The following ERCC6L variants were observed in gnomAD, a reference collection of about 807,000 sequenced individuals.
ERCC6L encodes the protein ERCC excision repair 6 like, spindle assembly checkpoint helicase.
A neutral mutation model predicts 20.1 loss-of-function variants in ERCC6L; 7 were observed. The ratio of observed to expected loss-of-function variants is 0.35; its 90% confidence interval spans 0.20 to 0.65. ERCC6L has a LOEUF of 0.65. Among genes scored for constraint, ERCC6L ranks in the 30% least tolerant of loss-of-function variants. ERCC6L has a pLI of 0.69. For synonymous variants in ERCC6L, 278 were observed against 331.3 expected, an observed-to-expected ratio of 0.84 and a Z score of 1.75; for missense variants, 592 against 892.4, an observed-to-expected ratio of 0.66 and a Z score of 4.29.
intron 1 of ERCC6L, among the ~76,000 whole-genome samples, chrX:72,214,431 T>C (rs899012384): frequency 9.0e-6 from 1 of 111,661 alleles, no homozygotes; most frequent in East Asian, 2.8e-4. Flanking sequence ...CCCAGCACTT[T>C]GGGAGGCCGA....
Position 72,238,948 on chromosome X carries a change from T to TTTGGAGTTTGGAGC in ERCC6L, c.-38_-37insGCTCCAAACTCCAA. 1.8e-6 allele frequency: 2 copies of TTTGGAGTTTGGAGC among 1,114,452 alleles called. No individual in the cohort carries two copies. The highest frequency in any genetic ancestry group is 2.4e-6 in the Non-Finnish European group (2 of 823,068). 91.8% of individuals were successfully genotyped at this position (1,114,452 alleles called of 1,213,427 possible). A position where few individuals can be genotyped will look rare whatever the true frequency, so the allele number is the denominator to read the frequency against. On this transcript the variant is annotated 5_prime_UTR_variant, in exon 1 of 2. Coordinates refer to ENST00000334463, the MANE Select transcript of ERCC6L (RefSeq NM_017669.4). ...TGGGTTCCAGTTACCCCGGCGGGAG[T>TTTGGAGTTTGGAGC]TTGGAGCTTGGAGCTTGGAGCTTGG...
intron 1 of ERCC6L, among the ~76,000 whole-genome samples, chrX:72,233,721 C>CAAAAAAA (rs35310682): frequency 1.1e-5 from 1 of 89,709 alleles, no homozygotes; most frequent in Admixed American, 1.2e-4. Flanking sequence ...GACTCCGTCT[C>CAAAAAAA]AAAAAAAAAA....
chrX:72,210,809 T>C (rs1427168477), intron 1 of ERCC6L, among the ~76,000 whole-genome samples: 1 of 111,913 alleles, frequency 8.9e-6, no homozygotes, highest in Non-Finnish European at 1.9e-5. Flanking sequence ...TCCTTGGATA[T>C]CACTGCTTTC....
At chrX:72,231,689 G>T (rs1225567640) in intron 1 of ERCC6L, among the ~76,000 whole-genome samples, 1 of 110,794 alleles carries the variant, frequency 9.0e-6, no homozygotes, top group Non-Finnish European at 1.9e-5. Context: ...GAGTAGCTGG[G>T]ACTACAGATG....
chrX:72,220,717 G>C (rs2042918281), intron 1 of ERCC6L, among the ~76,000 whole-genome samples: 1 of 110,963 alleles, frequency 9.0e-6, no homozygotes, highest in African/African-American at 3.3e-5. Flanking sequence ...AACATTCTAA[G>C]CTTGTGATAA....
intron 1 of ERCC6L, among the ~76,000 whole-genome samples, chrX:72,222,535 T>A (rs1270419546): frequency 9.3e-6 from 1 of 107,429 alleles, no homozygotes; most frequent in African/African-American, 3.4e-5. Flanking sequence ...AAAATGCCCA[T>A]AAGGCAGTTA....
intron 1 of ERCC6L, among the ~76,000 whole-genome samples, chrX:72,226,757 C>G (rs1020642799): frequency 1.8e-5 from 2 of 111,469 alleles, no homozygotes; most frequent in African/African-American, 6.5e-5. Context: ...TCCTTTTATC[C>G]AGAACACCAA....
chrX:72,238,451 T>G (rs1395371452), intron 1 of ERCC6L, among the ~76,000 whole-genome samples: 2 of 111,737 alleles, frequency 1.8e-5, no homozygotes, highest in Non-Finnish European at 3.8e-5. Context: ...AACCTAGTAA[T>G]TATTGCTTTA....
At chrX:72,214,106 G>A (rs1395648798) in intron 1 of ERCC6L, among the ~76,000 whole-genome samples, 1 of 112,208 alleles carries the variant, frequency 8.9e-6, no homozygotes, top group Non-Finnish European at 1.9e-5. Flanking sequence ...CTGAATGCCA[G>A]TATTGAAAAC....
chrX:72,214,672 CAA>C (rs58451189), intron 1 of ERCC6L, among the ~76,000 whole-genome samples: 5 of 41,977 alleles, frequency 1.2e-4, no homozygotes, highest in African/African-American at 8.6e-5. Flanking sequence ...GACTCCATCT[CAA>C]AAAAAAAAAA....
intron 1 of ERCC6L, among the ~76,000 whole-genome samples, chrX:72,216,889 C>A (rs1190981897): frequency 4.5e-5 from 5 of 112,001 alleles, no homozygotes; most frequent in African/African-American, 1.6e-4. Flanking sequence ...GAGAATTTTT[C>A]ATTTTTAGTT....
chrX:72,225,520 C>G (rs1486529197), intron 1 of ERCC6L, among the ~76,000 whole-genome samples: 1 of 112,440 alleles, frequency 8.9e-6, no homozygotes, highest in Admixed American at 9.4e-5. Flanking sequence ...ATGATAACTC[C>G]AAATACTTGA....
In ERCC6L at chrX:72,205,632, T is replaced by C. The variant is rs897001656; in HGVS notation, c.3135A>G (p.Pro1045=). 8.3e-7 allele frequency: 1 copy of C among 1,212,083 alleles called. No individual in the cohort carries two copies. Among genetic ancestry groups the C allele is most frequent in the Non-Finnish European group, 1.1e-6 (1 of 895,498 alleles). ...AGAATTGAAAGAGAGATGTGTTGAA[T>C]GGATTTATGCTTGAGGTATCTTTAA... The part of the protein sequence containing the change: ...DSFKDTSSIN[P]FNTSLFQFSS... Residue 1045 remains proline (P), a synonymous_variant, in exon 2 of 2, where the codon CCA becomes CCG. Transcript: ENST00000334463.
At position 72,206,622 on chromosome X, in the gene ERCC6L, T is replaced by G; in HGVS notation, c.2145A>C (p.Lys715Asn). 1 of 1,211,672 alleles carries G rather than the reference T, an allele frequency of 8.3e-7. No homozygotes were observed. Among genetic ancestry groups the G allele is most frequent in the Non-Finnish European group, 1.1e-6 (1 of 895,505 alleles). Reference protein sequence around the residue: ...QFLVEFESQNKEFLMEQQRTR... With the variant: ...QFLVEFESQNNEFLMEQQRTR... Reference sequence around the variant, plus strand: ...TTCTTTGTTGTTCCATCAGGAACTCTTTATTTTGAGACTCGAATTCAACGA... The same window carrying G: ...TTCTTTGTTGTTCCATCAGGAACTCGTTATTTTGAGACTCGAATTCAACGA... The change falls in exon 2 of 2, where the codon AAA becomes AAC. Residue 715 changes from lysine to asparagine, a missense_variant. Lys to Asn is a moderately conservative substitution (Grantham distance 94). Coordinates refer to ENST00000334463, the MANE Select transcript of ERCC6L (RefSeq NM_017669.4).
chrX:72,222,264 T>G (rs1408480439), intron 1 of ERCC6L, among the ~76,000 whole-genome samples: 1 of 112,235 alleles, frequency 8.9e-6, no homozygotes, highest in Non-Finnish European at 1.9e-5. Context: ...AGGGAATTCC[T>G]GCACGTAACC....
Position 72,205,895 on chromosome X carries a change from C to T in ERCC6L, c.2872G>A (p.Glu958Lys), listed in dbSNP as rs943373271. The T allele has an allele frequency of 8.3e-7, 1 of 1,209,552 alleles. No individual in the cohort carries two copies. The highest frequency in any genetic ancestry group is 1.7e-5 in the African/African-American group (1 of 57,277). The change falls in exon 2 of 2, where the codon GAA (glutamate) becomes AAA (lysine). Residue 958 changes from glutamate (E) to lysine (K), a missense_variant. Coordinates refer to ENST00000334463, the MANE Select transcript of ERCC6L (RefSeq NM_017669.4). The stretch of plus-strand genomic sequence containing the variant: ...TTTTGTCTGTTGTCTGCTGAGTCTT[C>T]CAAGAAAAGATTGAAATCACATGCA... ...QYACDFNLFL[E>K]DSADNRQNFS...
At chrX:72,222,628 C>T (rs1386337203) in intron 1 of ERCC6L, among the ~76,000 whole-genome samples, 6 of 98,933 alleles carry the variant, frequency 6.1e-5, no homozygotes, top group African/African-American at 1.5e-4. Context: ...GATGGAGTCT[C>T]ACTCTGTTGC....
Position 72,205,497 on chromosome X carries a change from T to C in ERCC6L, c.3270A>G (p.Arg1090=). 8.3e-7 allele frequency: 1 copy of C among 1,211,783 alleles called. No homozygotes were observed. The highest frequency in any genetic ancestry group is 1.7e-5 in the African/African-American group (1 of 57,827). Residue 1090 remains arginine (R), a synonymous_variant, in exon 2 of 2, where the codon AGA becomes AGG. Coordinates refer to ENST00000334463, the MANE Select transcript of ERCC6L (RefSeq NM_017669.4). The part of the protein sequence containing the change: ...PSSVNKSMNS[R]RSLASRRSLI... ...GAGACCTCCTAGAAGCCAGAGATCT[T>C]CTAGAGTTCATAGACTTATTTACAC...
At chrX:72,215,065 C>T (rs2042880641) in intron 1 of ERCC6L, among the ~76,000 whole-genome samples, 2 of 112,187 alleles carry the variant, frequency 1.8e-5, no homozygotes, top group African/African-American at 6.5e-5. Context: ...AAAGAACAAA[C>T]TACTACATGT....
Sources: allele counts gnomAD v4.1 joint callset (sites outside exome capture counted in the v4.1 genomes callset), GRCh38; gene constraint gnomAD v4.1.1; transcripts MANE v1.5; gene names NCBI Gene and HGNC (gene_info 2026-07-23, HGNC 2026-07-21).